The following USH2A variants were observed in gnomAD, a reference collection of about 807,000 sequenced individuals.
The protein encoded by USH2A is Usher syndrome 2A (autosomal recessive, mild).
Under a neutral mutation model 538.9 loss-of-function variants are expected in USH2A, and 443 were observed. The ratio of observed to expected loss-of-function variants is 0.82; its 90% CI spans 0.76 to 0.89. USH2A has a LOEUF of 0.89. USH2A is among the 40% of genes least tolerant of loss of function. The pLI, the probability that USH2A is intolerant of heterozygous loss-of-function variation, is 0.00. For missense variants in USH2A, 6,633 were observed against 6,324.8 expected (o/e 1.05, Z -1.65); for synonymous variants, 2,413 against 2,273.5 (o/e 1.06, Z -1.75).
At chr1:216,147,496 A>G (rs1278448050) in intron 21 of USH2A, among the ~76,000 whole-genome samples, 3 of 152,124 alleles carry the variant, frequency 2.0e-5, no homozygotes, top group African/African-American at 7.2e-5. Flanking sequence ...CCAGTTCATG[A>G]CTTGTTTGGC....
chr1:216,398,653 C>T (rs1313895661), intron 3 of USH2A, among the ~76,000 whole-genome samples: 1 of 152,050 alleles, frequency 6.6e-6, no homozygotes, highest in Non-Finnish European at 1.5e-5. Context: ...CACCCTCTCA[C>T]CCAACAGAAG....
intron 21 of USH2A, among the ~76,000 whole-genome samples, chr1:216,168,780 C>T (rs2034219681): frequency 6.6e-6 from 1 of 152,108 alleles, no homozygotes; most frequent in African/African-American, 2.4e-5. Context: ...CATGAAATAG[C>T]TATCACCACC....
Position 215,758,586 on chromosome 1 carries a change from T to C in USH2A, c.11389+9A>G, listed in dbSNP as rs12095085. The C allele has an allele frequency of 6.8e-6, 11 of 1,610,520 alleles. No homozygotes were observed. Among genetic ancestry groups the C allele is most frequent in the African/African-American group, 1.3e-5 (1 of 74,784 alleles). On this transcript the variant is annotated intron_variant, in intron 58 of 71. Transcript: ENST00000307340. ...CACACACACACACATACTTCTTTTT[T>C]TTTTTTACCTGGTGGTATCCAAGCT... is the stretch of plus-strand genomic sequence containing the variant.
At chr1:216,231,250 T>TAG (rs2035678017) in intron 14 of USH2A, among the ~76,000 whole-genome samples, 1 of 22,150 alleles carries the variant, frequency 4.5e-5, no homozygotes, top group Non-Finnish European at 9.3e-5. Context: ...ATATATATAT[T>TAG]ATATATATAA....
intron 61 of USH2A, among the ~76,000 whole-genome samples, chr1:215,720,925 T>C (rs1228107302): frequency 1.3e-5 from 2 of 152,182 alleles, no homozygotes; most frequent in African/African-American, 4.8e-5. Context: ...CTGTTCCTTT[T>C]TGTCTAATTC....
At chr1:215,931,331 T>C (rs990686998) in intron 38 of USH2A, among the ~76,000 whole-genome samples, 6 of 152,030 alleles carry the variant, frequency 3.9e-5, no homozygotes, top group Non-Finnish European at 8.8e-5. Flanking sequence ...AGAGATGATG[T>C]ATCCTGGTAA....
intron 38 of USH2A, among the ~76,000 whole-genome samples, chr1:215,916,049 A>AG (rs1450326474): frequency 1.8e-4 from 12 of 66,068 alleles, no homozygotes; most frequent in Non-Finnish European, 2.7e-4. Flanking sequence ...GGGTGGGGGG[A>AG]GGGGGGAGGG....
At chr1:216,072,171 C>T (rs944665489) in intron 29 of USH2A, among the ~76,000 whole-genome samples, 1 of 152,138 alleles carries the variant, frequency 6.6e-6, no homozygotes, top group African/African-American at 2.4e-5. Flanking sequence ...AGTTTCCTGA[C>T]AAATATTTGA....
chr1:216,064,386 T>C (rs1579634), intron 30 of USH2A, among the ~76,000 whole-genome samples: 101,944 of 151,780 alleles, frequency 0.67, 35,517 homozygotes, highest in African/African-American at 0.86. Flanking sequence ...ACTCAATTCA[T>C]GTAAGGGGAA....
intron 58 of USH2A, among the ~76,000 whole-genome samples, chr1:215,750,634 G>A (rs1018032482): frequency 3.9e-5 from 6 of 152,140 alleles, no homozygotes; most frequent in Non-Finnish European, 7.4e-5. Flanking sequence ...TGGGATTACA[G>A]TAGAACTCAT....
rs1300073914 is a variant in USH2A, at chr1:216,093,902, C to G, written c.4758+3181G>C. On this transcript the variant is annotated intron_variant, in intron 22 of 71. Transcript: ENST00000307340. Reference sequence around the variant, plus strand: ...TAATTGAATTCAGTGCTAGTTCTATCCCTAAACCACTCTATGACCGTAGTT... The same window carrying G: ...TAATTGAATTCAGTGCTAGTTCTATGCCTAAACCACTCTATGACCGTAGTT... Among the ~76,000 whole-genome samples the G allele has an allele frequency of 2.0e-5, 3 of 152,288 alleles. No individual in the cohort carries two copies. In the East Asian group the frequency reaches 5.8e-4, roughly 29 times the overall value.
chr1:216,376,061 A>G (rs924684183), intron 3 of USH2A, among the ~76,000 whole-genome samples: 6 of 152,170 alleles, frequency 3.9e-5, no homozygotes, highest in Non-Finnish European at 7.4e-5. Flanking sequence ...ACAGACCACC[A>G]TAACAGCTAT....
At chr1:215,927,525 T>C (rs1666265381) in intron 38 of USH2A, among the ~76,000 whole-genome samples, 1 of 152,158 alleles carries the variant, frequency 6.6e-6, no homozygotes. Context: ...AATTTTTGGA[T>C]GTTCTGTTTT....
chr1:215,970,511 C>T (rs553368080), intron 36 of USH2A, 114 bp downstream of exon 36: 14 of 1,330,352 alleles, frequency 1.1e-5, no homozygotes, highest in African/African-American at 8.7e-5. Flanking sequence ...AATCTCCCAT[C>T]CTGCTTGAAA....
chr1:216,144,183 A>G (rs2033650887), intron 21 of USH2A, among the ~76,000 whole-genome samples: 2 of 152,190 alleles, frequency 1.3e-5, no homozygotes, highest in Non-Finnish European at 1.5e-5. Context: ...CATCAGTAGC[A>G]ATGTAGCTAA....
intron 9 of USH2A, among the ~76,000 whole-genome samples, chr1:216,306,091 T>C (rs1395715379): frequency 6.6e-6 from 1 of 152,210 alleles, no homozygotes; most frequent in East Asian, 1.9e-4. Context: ...CCTTGATTAT[T>C]CCCTCAAATA....
rs2034940159 is a variant in USH2A at position 216,199,780 on chromosome 1, C to A, written c.3658G>T (p.Val1220Leu). The part of the protein sequence containing the change: ...LVPFAKYDFS[V>L]QACTSGGCLH... ...CAGCCCCCGCTAGTACACGCCTGTA[C>A]AGAAAAATCGTACTTGGCAAATGGA... Residue 1220 changes from valine to leucine, a missense_variant, in exon 17 of 72, where the codon GTA becomes TTA. Physicochemically the swap from Val to Leu is conservative, Grantham distance 32. Coordinates refer to ENST00000307340, the MANE Select transcript of USH2A (RefSeq NM_206933.4). 3 of 1,614,104 alleles carry A rather than the reference C, an allele frequency of 1.9e-6. No homozygotes were observed. The highest frequency in any genetic ancestry group is 1.1e-5 in the South Asian group (1 of 91,086).
rs1033855921 is a variant in USH2A at position 216,225,907 on chromosome 1, G to A, written c.2993+6046C>T. Among the ~76,000 whole-genome samples, 8 of 152,254 alleles carry A rather than the reference G, an allele frequency of 5.3e-5. No individual in the cohort carries two copies. In the South Asian group the frequency reaches 8.3e-4, roughly 16 times the overall value. ...ACAGCTGGCTACAGGCCTAGAGTGC[G>A]TGGCAGGCATCTGAATGGGTGATCA... is the stretch of plus-strand genomic sequence containing the variant. On this transcript the variant is annotated intron_variant, in intron 14 of 71. Transcript: ENST00000307340.
chr1:216,394,717 A>T (rs11590382), intron 3 of USH2A, among the ~76,000 whole-genome samples: 77,772 of 133,916 alleles, frequency 0.58, 23,594 homozygotes, highest in East Asian at 0.8. Flanking sequence ...TAACTGGTCC[A>T]GTCTTTTTTT....
Sources: gnomAD v4.1 joint callset for allele counts (sites outside exome capture counted in the v4.1 genomes callset) on GRCh38, gnomAD v4.1.1 for gene constraint, MANE v1.5 for transcripts, NCBI Gene and HGNC (gene_info 2026-07-23, HGNC 2026-07-21) for gene names.